The following RNF130 variants were observed in gnomAD, a reference collection of about 807,000 sequenced individuals.
The protein encoded by RNF130 is E3 ubiquitin-protein ligase RNF130.
RNF130 carries 21 observed loss-of-function variants against 44.6 expected under a neutral mutation model. The observed-to-expected ratio is 0.47, with a 90% CI of 0.33 to 0.68. RNF130 has a LOEUF of 0.68. RNF130 is among the 30% of genes least tolerant of loss of function. The pLI, the probability that RNF130 is intolerant of heterozygous loss-of-function variation, is 0.02. For synonymous variants in RNF130, 214 were observed against 210.4 expected (o/e 1.02, Z -0.15); for missense variants, 479 against 560.6 (o/e 0.85, Z 1.47).
intron 2 of RNF130, among the ~76,000 whole-genome samples, chr5:180,039,529 T>G (rs958798779): frequency 2.0e-5 from 3 of 152,134 alleles, no homozygotes; most frequent in Non-Finnish European, 2.9e-5. Context: ...AGGCTTAGTT[T>G]GAAAGGAAGA....
At chr5:180,002,300 G>A (rs1410124781) in intron 3 of RNF130, among the ~76,000 whole-genome samples, 1 of 152,242 alleles carries the variant, frequency 6.6e-6, no homozygotes, top group East Asian at 1.9e-4. Flanking sequence ...CTCCATCTCT[G>A]CTGGCCCCCG....
chr5:179,998,938 A>G (rs1763269940), intron 3 of RNF130, among the ~76,000 whole-genome samples: 1 of 145,460 alleles, frequency 6.9e-6, no homozygotes, highest in Non-Finnish European at 1.5e-5. Flanking sequence ...TACAATGATT[A>G]TATCCTCTTG....
intron 1 of RNF130, among the ~76,000 whole-genome samples, chr5:180,052,275 A>C (rs1237314345): frequency 6.6e-6 from 1 of 152,148 alleles, no homozygotes; most frequent in Admixed American, 6.5e-5. Flanking sequence ...ACATTTCTCC[A>C]TGAATACTGA....
At chr5:180,004,166 C>G (rs759182159) in intron 3 of RNF130, among the ~76,000 whole-genome samples, 3 of 152,172 alleles carry the variant, frequency 2.0e-5, no homozygotes, top group Non-Finnish European at 4.4e-5. Flanking sequence ...GCTCCAGCCC[C>G]TAAAAGGAGC....
intron 7 of RNF130, among the ~76,000 whole-genome samples, chr5:179,937,018 G>A (rs962510045): frequency 1.3e-5 from 2 of 152,074 alleles, no homozygotes; most frequent in Admixed American, 6.5e-5. Flanking sequence ...AAGTTTTTGC[G>A]ACCACCAATT....
At chr5:179,986,596 G>T (rs560496041) in intron 3 of RNF130, among the ~76,000 whole-genome samples, 30 of 152,332 alleles carry the variant, frequency 2.0e-4, no homozygotes, top group African/African-American at 7.0e-4. Context: ...GATCACAATA[G>T]CAACAGGTGG....
intron 1 of RNF130, among the ~76,000 whole-genome samples, chr5:180,055,440 T>TCTCTGTG (rs57927481): frequency 2.0e-5 from 3 of 150,664 alleles, no homozygotes; most frequent in Admixed American, 6.6e-5. Context: ...TCAGATGACT[T>TCTCTGTG]TGTGTGTGTG....
chr5:180,025,523 C>T (rs114808342), intron 2 of RNF130, among the ~76,000 whole-genome samples: 2,372 of 152,160 alleles, frequency 0.016, 64 homozygotes, highest in African/African-American at 0.053. Flanking sequence ...AAATTAAGAG[C>T]TTATGGAAGT....
At chr5:180,067,598 G>A (rs1400900938) in intron 1 of RNF130, among the ~76,000 whole-genome samples, 1 of 152,218 alleles carries the variant, frequency 6.6e-6, no homozygotes, top group Non-Finnish European at 1.5e-5. Flanking sequence ...AACACGGTAT[G>A]TAAAAACATG....
At chr5:179,928,586 A>G (rs1214961580) in intron 7 of RNF130, among the ~76,000 whole-genome samples, 2 of 149,884 alleles carry the variant, frequency 1.3e-5, no homozygotes, top group Admixed American at 1.3e-4. Flanking sequence ...TGAGTTAAGC[A>G]TTGCAGGTAC....
At chr5:180,014,082 G>A (rs779539604) in intron 2 of RNF130, among the ~76,000 whole-genome samples, 21 of 152,322 alleles carry the variant, frequency 1.4e-4, no homozygotes, top group African/African-American at 3.4e-4. Flanking sequence ...GTTTGGCATC[G>A]AAATACCTCC....
rs758758207 is a variant in RNF130, at chr5:179,943,149, C to T, written c.1151-22723G>A. ...GGCAGAGGTTGCAGTGAGCTGAGATCGCGCCACTGCACTCCAGCCTGGGAC... is the reference window on the plus strand; with the variant it reads ...GGCAGAGGTTGCAGTGAGCTGAGATTGCGCCACTGCACTCCAGCCTGGGAC... On this transcript the variant is annotated intron_variant, in intron 7 of 7. Transcript: ENST00000522208. Among the ~76,000 whole-genome samples the T allele has an allele frequency of 4.9e-4, 74 of 152,304 alleles. 1 individual carries two copies. The highest frequency in any genetic ancestry group is 1.0e-3 in the Non-Finnish European group (68 of 68,028).
intron 7 of RNF130, among the ~76,000 whole-genome samples, chr5:179,945,337 CA>C (rs1762022046): frequency 1.3e-5 from 2 of 152,158 alleles, no homozygotes; most frequent in African/African-American, 4.8e-5. Context: ...AGATCAGCTG[CA>C]AAACCTCAGC....
chr5:179,999,054 G>A (rs1348159458), intron 3 of RNF130, among the ~76,000 whole-genome samples: 2 of 149,192 alleles, frequency 1.3e-5, no homozygotes, highest in South Asian at 2.1e-4. Flanking sequence ...ATGGAATATC[G>A]CTTTGTCACC....
At chr5:179,964,651 G>A (rs1762403513) in intron 7 of RNF130, among the ~76,000 whole-genome samples, 1 of 152,206 alleles carries the variant, frequency 6.6e-6, no homozygotes, top group Non-Finnish European at 1.5e-5. Flanking sequence ...TGTGTGCATA[G>A]GCATTTTTCT....
At chr5:180,035,688 T>A (rs1056719923) in intron 2 of RNF130, among the ~76,000 whole-genome samples, 2 of 152,234 alleles carry the variant, frequency 1.3e-5, no homozygotes, top group Non-Finnish European at 2.9e-5. Flanking sequence ...CTCTGATATA[T>A]GTTGGTGTGT....
At chr5:179,988,970 C>T (rs555331680) in intron 3 of RNF130, among the ~76,000 whole-genome samples, 1 of 152,276 alleles carries the variant, frequency 6.6e-6, no homozygotes, top group African/African-American at 2.4e-5. Flanking sequence ...ATGTTGACAG[C>T]GGGTGTATTA....
rs191112460 is a variant in RNF130, at chr5:180,030,392, C to T, written c.442+10061G>A. 2.0e-5 allele frequency among the ~76,000 whole-genome samples: 3 copies of T among 152,192 alleles called. No homozygotes were observed. In the East Asian group the frequency reaches 5.8e-4, roughly 29 times the overall value. On this transcript the variant is annotated intron_variant, in intron 2 of 8. Coordinates refer to ENST00000521389, the MANE Select transcript of RNF130 (RefSeq NM_018434.6). ...AGCCTTAATGAGGTATAATTTACAT[C>T]CTACAAGACTCATCTTTGTAAGTGT... is the stretch of plus-strand genomic sequence containing the variant.
chr5:180,051,597 A>G (rs1764689252), intron 1 of RNF130, among the ~76,000 whole-genome samples: 1 of 152,314 alleles, frequency 6.6e-6, no homozygotes, highest in East Asian at 1.9e-4. Flanking sequence ...TAAATGCTGG[A>G]TGCTGCAGTC....
Sources: gnomAD v4.1 joint callset for allele counts (sites outside exome capture counted in the v4.1 genomes callset) on GRCh38, gnomAD v4.1.1 for gene constraint, MANE v1.5 for transcripts, NCBI Gene and HGNC (gene_info 2026-07-23, HGNC 2026-07-21) for gene names.